The following IL2RA variants were observed in gnomAD, a reference collection of about 807,000 sequenced individuals.
IL2RA encodes the protein interleukin 2 receptor subunit alpha.
In IL2RA, 24 loss-of-function variants were observed where a neutral mutation model predicts 37.8. That is an observed-to-expected ratio of 0.63 (90% CI 0.46 to 0.89). The LOEUF (loss-of-function observed/expected upper bound fraction) is 0.89. Ranked by LOEUF, IL2RA falls within the 40% of genes least tolerant of loss-of-function variation. The pLI, the probability that IL2RA is intolerant of heterozygous loss-of-function variation, is 0.00. For synonymous variants in IL2RA, 125 were observed against 114.6 expected, an observed-to-expected ratio of 1.09 and a Z score of -0.58; for missense variants, 319 against 348.6, an observed-to-expected ratio of 0.92 and a Z score of 0.68.
intron 1 of IL2RA, among the ~76,000 whole-genome samples, chr10:6,042,935 C>G (rs1193562532): frequency 6.6e-6 from 1 of 152,140 alleles, no homozygotes; most frequent in East Asian, 1.9e-4. Context: ...ATTAGCATAG[C>G]GATTTCAAAG....
intron 1 of IL2RA, among the ~76,000 whole-genome samples, chr10:6,027,516 A>G (rs1402422251): frequency 6.6e-6 from 1 of 152,202 alleles, no homozygotes; most frequent in Non-Finnish European, 1.5e-5. Flanking sequence ...AAGGAGAAAG[A>G]TGGGTTTCTA....
In IL2RA at chr10:6,047,931, C is replaced by A. The variant is rs1243480964; in HGVS notation, c.64+14157G>T. 6.6e-6 allele frequency among the ~76,000 whole-genome samples: 1 copy of A among 152,230 alleles called. No homozygotes were observed. The highest frequency in any genetic ancestry group is 1.9e-4 in the East Asian group (1 of 5,208). On this transcript the variant is annotated intron_variant, in intron 1 of 7. Transcript: ENST00000379959. The surrounding 1 kb of genome is among the most constrained non-coding windows in gnomAD (Gnocchi z 5.0). ...GTGATGTGTTCTTCTCATCTCCGTT[C>A]TCTAGAGGCAGGAACTAAGGCACAG... is the stretch of plus-strand genomic sequence containing the variant.
chr10:6,011,333 AAC>A lies in IL2RA; in HGVS notation c.*1537_*1538del, dbSNP rs71390108. Reference sequence around the variant, plus strand: ...AGAGTGGGTGGGCGTGCAGAGCAATAACACAATGGTTCTCAAAGTGTGTTCCT... The same window carrying A: ...AGAGTGGGTGGGCGTGCAGAGCAATAACAATGGTTCTCAAAGTGTGTTCCT... On this transcript the variant is annotated 3_prime_UTR_variant, in exon 8 of 8. Coordinates refer to ENST00000379959, the MANE Select transcript of IL2RA (RefSeq NM_000417.3). This position sits in a 1 kb window ranked among gnomAD's most constrained non-coding sequence, Gnocchi z 5.2. 0.019 allele frequency: 2,944 copies of A among 152,312 alleles called. 65 individuals carry two copies. Among genetic ancestry groups the A allele is most frequent in the Non-Finnish European group, 0.025 (1,731 of 68,006 alleles). 9.4% of individuals were successfully genotyped at this position (152,312 alleles called of 1,614,324 possible).
At chr10:6,052,306 C>T (rs1000242583) in intron 1 of IL2RA, among the ~76,000 whole-genome samples, 3 of 152,088 alleles carry the variant, frequency 2.0e-5, no homozygotes, top group East Asian at 1.9e-4. Context: ...GGGTAATGAA[C>T]ATCGATCTGT....
chr10:6,018,075 C>A lies in IL2RA; in HGVS notation c.772G>T (p.Gly258Trp). 2 of 1,614,000 alleles carry A rather than the reference C, an allele frequency of 1.2e-6. No individual in the cohort carries two copies. Among genetic ancestry groups the A allele is most frequent in the Non-Finnish European group, 1.7e-6 (2 of 1,179,950 alleles). ...FLLISVLLLS[G>W]LTWQRRQRKS... is the part of the protein sequence containing the mutation. ...TACTGTCTCCGCTGCCAGGTGAGCC[C>A]ACTCAGGAGGAGGACGCTGATCAGC... is the stretch of plus-strand genomic sequence containing the variant. The change falls in exon 7 of 8, where the codon GGG becomes TGG. Residue 258 changes from glycine (G) to tryptophan (W), a missense_variant. Physicochemically the swap from Gly to Trp is radical, Grantham distance 184 (BLOSUM62 -2). Transcript: ENST00000379959. This position sits in a 1 kb window ranked among gnomAD's most constrained non-coding sequence, Gnocchi z 5.1.
chr10:6,013,778 A>G (rs1031323710), intron 7 of IL2RA, among the ~76,000 whole-genome samples: 4 of 151,988 alleles, frequency 2.6e-5, no homozygotes, highest in African/African-American at 9.7e-5. Context: ...GTTGTAAGTA[A>G]TTCTTGCCTT....
rs1366013105 is a variant in IL2RA at position 6,033,538 on chromosome 10, T to A, written c.65-7513A>T. On this transcript the variant is annotated intron_variant, in intron 1 of 7. Transcript: ENST00000379959. This position sits in a 1 kb window ranked among gnomAD's most constrained non-coding sequence, Gnocchi z 4.3. Reference sequence around the variant, plus strand: ...TTATTAATAATAACCAACTCAATAATTCAAACATCCATCATTGGGAGAACA... The same window carrying A: ...TTATTAATAATAACCAACTCAATAAATCAAACATCCATCATTGGGAGAACA... 6.6e-6 allele frequency among the ~76,000 whole-genome samples: 1 copy of A among 152,168 alleles called. No individual in the cohort carries two copies. The highest frequency in any genetic ancestry group is 1.5e-5 in the Non-Finnish European group (1 of 68,028).
intron 3 of IL2RA, among the ~76,000 whole-genome samples, chr10:6,023,218 G>A (rs1241681094): frequency 6.6e-6 from 1 of 152,224 alleles, no homozygotes; most frequent in Admixed American, 6.5e-5. Context: ...GATGGTATCT[G>A]ATACAGTTCT....
At chr10:6,037,716 C>A (rs371457116) in intron 1 of IL2RA, among the ~76,000 whole-genome samples, 65 of 152,236 alleles carry the variant, frequency 4.3e-4, no homozygotes, top group Admixed American at 7.2e-4. Flanking sequence ...TCACTGCCCC[C>A]CTGTGGCCCC....
intron 1 of IL2RA, 21 bp from the exon 2 acceptor site, chr10:6,026,046 A>G (rs781567058): frequency 4.3e-6 from 7 of 1,611,612 alleles, no homozygotes; most frequent in African/African-American, 2.7e-5. Flanking sequence ...AAAGAAGCCT[A>G]TTAGGAACTC....
chr10:6,014,674 G>A lies in IL2RA; in HGVS notation c.795-1778C>T, dbSNP rs1252359012. ...AGTACACGTACAACATGTCAGCCAC[G>A]TCACATCCTTCCCCTCCTGGAAGCC... On this transcript the variant is annotated intron_variant, in intron 7 of 7. Coordinates refer to ENST00000379959, the MANE Select transcript of IL2RA (RefSeq NM_000417.3). This position sits in a 1 kb window ranked among gnomAD's most constrained non-coding sequence, Gnocchi z 4.4. Among the ~76,000 whole-genome samples the A allele has an allele frequency of 6.6e-6, 1 of 152,176 alleles. No homozygotes were observed. The highest frequency in any genetic ancestry group is 1.9e-4 in the East Asian group (1 of 5,202).
chr10:6,018,178 G>A lies in IL2RA; in HGVS notation c.728-59C>T. 4.4e-6 allele frequency: 6 copies of A among 1,359,446 alleles called. No homozygotes were observed. In the South Asian group the frequency reaches 7.1e-5, roughly 16 times the overall value. The allele number at this position is 1,359,446 out of a possible 1,614,324, so 84.2% of individuals were successfully genotyped here. ...CCTGGGCTTGGCATGGGGGCAGCAG[G>A]AGCCAGGGCCACAGGGCAGGCTGAG... On this transcript the variant is annotated intron_variant, in intron 6 of 7. Coordinates refer to ENST00000379959, the MANE Select transcript of IL2RA (RefSeq NM_000417.3). The surrounding 1 kb of genome is among the most constrained non-coding windows in gnomAD (Gnocchi z 5.1).
At chr10:6,050,930 C>T (rs539595133) in intron 1 of IL2RA, among the ~76,000 whole-genome samples, 5 of 152,240 alleles carry the variant, frequency 3.3e-5, no homozygotes, top group African/African-American at 1.2e-4. Flanking sequence ...GTAGTGAAAG[C>T]CCGAAGTGCA....
In IL2RA at chr10:6,047,425, C is replaced by T. The variant is rs938765980; in HGVS notation, c.64+14663G>A. On this transcript the variant is annotated intron_variant, in intron 1 of 7. Transcript: ENST00000379959. This position sits in a 1 kb window ranked among gnomAD's most constrained non-coding sequence, Gnocchi z 5.0. ...AGAGGAGAGCTCAGGAGTCAGCCTGCTCCAAAGCTCTTCCTGCCTGTAGCA... is the reference window on the plus strand; with the variant it reads ...AGAGGAGAGCTCAGGAGTCAGCCTGTTCCAAAGCTCTTCCTGCCTGTAGCA... 6.6e-6 allele frequency among the ~76,000 whole-genome samples: 1 copy of T among 152,190 alleles called. No individual in the cohort carries two copies. Among genetic ancestry groups the T allele is most frequent in the Non-Finnish European group, 1.5e-5 (1 of 68,032 alleles).
intron 1 of IL2RA, among the ~76,000 whole-genome samples, chr10:6,034,590 C>T (rs998638334): frequency 2.0e-5 from 3 of 152,176 alleles, no homozygotes; most frequent in Non-Finnish European, 2.9e-5. Flanking sequence ...TTGAAATCAT[C>T]TTTCCCTATA....
chr10:6,060,664 C>T (rs1028675341), intron 1 of IL2RA, among the ~76,000 whole-genome samples: 5 of 151,778 alleles, frequency 3.3e-5, no homozygotes, highest in South Asian at 2.1e-4. Context: ...GTCTGAGGCA[C>T]GAGAATTACT....
At chr10:6,059,044 T>A (rs1213126395) in intron 1 of IL2RA, among the ~76,000 whole-genome samples, 1 of 152,238 alleles carries the variant, frequency 6.6e-6, no homozygotes, top group East Asian at 1.9e-4. Context: ...AAAGTCTGAT[T>A]TGTTTCAAGA....
chr10:6,032,729 A>G lies in IL2RA; in HGVS notation c.65-6704T>C, dbSNP rs142013350. 2.1e-3 allele frequency among the ~76,000 whole-genome samples: 313 copies of G among 151,942 alleles called. 3 individuals are homozygous for G. The highest frequency in any genetic ancestry group is 3.3e-3 in the Non-Finnish European group (224 of 67,942). Reference sequence around the variant, plus strand: ...AAAGAAAAAAATGAAAAAGTAAATGATAGACTGAGAGAAAATATTTGCAAT... The same window carrying G: ...AAAGAAAAAAATGAAAAAGTAAATGGTAGACTGAGAGAAAATATTTGCAAT... On this transcript the variant is annotated intron_variant, in intron 1 of 7. Coordinates refer to ENST00000379959, the MANE Select transcript of IL2RA (RefSeq NM_000417.3).
In IL2RA at chr10:6,045,932, T is replaced by A. The variant is rs552878673; in HGVS notation, c.64+16156A>T. 9.2e-5 allele frequency among the ~76,000 whole-genome samples: 14 copies of A among 152,262 alleles called. 1 individual carries two copies. The South Asian group carries it at 2.9e-3, about 32-fold the overall frequency. Reference sequence around the variant, plus strand: ...AAAATGATGGCAACCTCCAAAGTCATGATGCTAAGAGTTTCTCCTGGGAAC... The same window carrying A: ...AAAATGATGGCAACCTCCAAAGTCAAGATGCTAAGAGTTTCTCCTGGGAAC... On this transcript the variant is annotated intron_variant, in intron 1 of 7. Coordinates refer to ENST00000379959, the MANE Select transcript of IL2RA (RefSeq NM_000417.3).
Sources: allele counts gnomAD v4.1 joint callset (sites outside exome capture counted in the v4.1 genomes callset), GRCh38; gene constraint gnomAD v4.1.1; non-coding constraint Gnocchi (gnomAD v3.1); transcripts MANE v1.5; gene names NCBI Gene and HGNC (gene_info 2026-07-23, HGNC 2026-07-21).